Variants in SV2C observed in about 807,000 individuals in gnomAD.
SV2C encodes the protein solute carrier family 22 member B3.
SV2C carries 49 observed loss-of-function variants against 79.7 expected under a neutral mutation model. The observed-to-expected ratio is 0.61, with a 90% confidence interval of 0.49 to 0.78. The LOEUF (loss-of-function observed/expected upper bound fraction) is 0.78. Ranked by LOEUF, SV2C falls within the 30% of genes least tolerant of loss-of-function variation. The pLI, the probability that SV2C is intolerant of heterozygous loss-of-function variation, is 0.00. For synonymous variants in SV2C, 334 were observed against 333.2 expected (o/e 1.00, Z -0.03); for missense variants, 833 against 912.9 (o/e 0.91, Z 1.13).
At chr5:76,073,306 A>G in the SV2C span, among the ~76,000 whole-genome samples, 2 of 151,956 alleles carry the variant, frequency 1.3e-5, no homozygotes, top group Non-Finnish European at 2.9e-5. Flanking sequence ...TCTTCTATAT[A>G]TGGCTTGCCA....
At chr5:76,218,702 A>G (rs188599948) in intron 4 of SV2C, among the ~76,000 whole-genome samples, 5 of 152,338 alleles carry the variant, frequency 3.3e-5, no homozygotes, top group East Asian at 1.9e-4. Context: ...TCACCATGGC[A>G]TATGTATAAC....
chr5:76,058,874 T>G, the SV2C span, among the ~76,000 whole-genome samples: 1 of 152,132 alleles, frequency 6.6e-6, no homozygotes, highest in Non-Finnish European at 1.5e-5. Flanking sequence ...ACTATGATCT[T>G]TCGCATTTAT....
chr5:76,207,335 A>G (rs1179637386), intron 3 of SV2C, among the ~76,000 whole-genome samples: 2 of 152,192 alleles, frequency 1.3e-5, no homozygotes, highest in Non-Finnish European at 2.9e-5. Flanking sequence ...GTGAAAAGTC[A>G]GTAAAAACTA....
At chr5:75,872,460 T>C in the SV2C span, among the ~76,000 whole-genome samples, 1 of 151,916 alleles carries the variant, frequency 6.6e-6, no homozygotes, top group African/African-American at 2.4e-5. Flanking sequence ...AACATAGCGG[T>C]GAAAGAATAC....
chr5:76,309,623 A>C (rs938871678), intron 12 of SV2C, among the ~76,000 whole-genome samples: 2 of 147,956 alleles, frequency 1.4e-5, no homozygotes, highest in Non-Finnish European at 3.0e-5. Flanking sequence ...AAAAAAAAAA[A>C]AACAGAAAGA....
chr5:75,940,402 A>G, the SV2C span, among the ~76,000 whole-genome samples: 3 of 152,008 alleles, frequency 2.0e-5, no homozygotes, highest in African/African-American at 7.3e-5. Context: ...AAAAAGAAAA[A>G]AGAATTGAAG....
At chr5:76,153,314 T>C (rs975114863) in intron 2 of SV2C, among the ~76,000 whole-genome samples, 3 of 152,170 alleles carry the variant, frequency 2.0e-5, no homozygotes, top group African/African-American at 7.2e-5. Context: ...CTTCCTGATA[T>C]TGTACCTTCC....
chr5:75,851,956 C>A, the SV2C span, among the ~76,000 whole-genome samples: 2 of 152,204 alleles, frequency 1.3e-5, no homozygotes, highest in African/African-American at 4.8e-5. Flanking sequence ...AGCCACCGCG[C>A]CTGGCCGAAA....
At chr5:76,076,903 A>G in the SV2C span, among the ~76,000 whole-genome samples, 1 of 152,220 alleles carries the variant, frequency 6.6e-6, no homozygotes, top group Non-Finnish European at 1.5e-5. Context: ...CCTCACTATT[A>G]GATTCAATAA....
chr5:76,235,297 G>GT (rs1304315510), intron 4 of SV2C, among the ~76,000 whole-genome samples: 35 of 152,062 alleles, frequency 2.3e-4, no homozygotes, highest in African/African-American at 8.2e-4. Flanking sequence ...GCCATGAAAT[G>GT]TCTTGGCAGC....
chr5:76,343,098 G>A (rs879937919), intron 12 of SV2C, among the ~76,000 whole-genome samples: 13 of 152,080 alleles, frequency 8.5e-5, no homozygotes, highest in African/African-American at 2.7e-4. Flanking sequence ...CAACCTCTCC[G>A]TTTAGGTCAG....
chr5:76,324,150 G>A (rs576523373), intron 12 of SV2C, among the ~76,000 whole-genome samples: 1 of 152,212 alleles, frequency 6.6e-6, no homozygotes, highest in East Asian at 1.9e-4. Context: ...GATAGAGACA[G>A]GGTCTTGCTA....
chr5:75,988,123 GCA>G, the SV2C span, among the ~76,000 whole-genome samples: 2 of 151,822 alleles, frequency 1.3e-5, no homozygotes, highest in South Asian at 2.1e-4. Context: ...ATGTATGTGT[GCA>G]CACACACACA....
the SV2C span, among the ~76,000 whole-genome samples, chr5:75,997,750 A>G: frequency 6.6e-6 from 1 of 152,218 alleles, no homozygotes. Context: ...GTGGGACTGT[A>G]AACTAGTTCA....
chr5:76,034,749 T>C, the SV2C span, among the ~76,000 whole-genome samples: 11 of 152,236 alleles, frequency 7.2e-5, no homozygotes, highest in African/African-American at 2.7e-4. Flanking sequence ...GGTATCAGGA[T>C]GATGCTGGCC....
At chr5:76,120,355 C>G (rs985879803) in intron 1 of SV2C, among the ~76,000 whole-genome samples, 7 of 143,482 alleles carry the variant, frequency 4.9e-5, no homozygotes, top group Admixed American at 7.0e-5. Context: ...TTCTTTTTTT[C>G]TTTTTCTCTT....
chr5:75,880,729 T>G, the SV2C span, among the ~76,000 whole-genome samples: 19 of 152,314 alleles, frequency 1.2e-4, no homozygotes, highest in African/African-American at 3.8e-4. Context: ...TCCAAACTCT[T>G]CCAACCTGTG....
chr5:75,857,178 C>T, the SV2C span, among the ~76,000 whole-genome samples: 5 of 152,010 alleles, frequency 3.3e-5, no homozygotes, highest in Non-Finnish European at 4.4e-5. Flanking sequence ...AGGATGGTCT[C>T]GATCTCCTGA....
chr5:76,053,686 A>T, the SV2C span, among the ~76,000 whole-genome samples: 1 of 152,244 alleles, frequency 6.6e-6, no homozygotes, highest in East Asian at 1.9e-4. Flanking sequence ...TAGGCAACTC[A>T]ATTGTGCTTC....
Sources: allele counts gnomAD v4.1 joint callset (sites outside exome capture counted in the v4.1 genomes callset), GRCh38; gene constraint gnomAD v4.1.1; transcripts MANE v1.5; gene names NCBI Gene and HGNC (gene_info 2026-07-23, HGNC 2026-07-21).